CHM: variants seen among roughly 807,000 people sequenced by gnomAD.
The protein encoded by CHM is CHM Rab escort protein.
A neutral mutation model predicts 49.0 loss-of-function variants in CHM; 10 were observed. The ratio of observed to expected loss-of-function variants is 0.20; its 90% confidence interval spans 0.13 to 0.35. The LOEUF is 0.35. Ranked by LOEUF, CHM falls within the 10% of genes least tolerant of loss-of-function variation. The probability of loss-of-function intolerance (pLI) is 1.00; values close to 1 mark genes in which losing one functional copy is unlikely to be tolerated. For synonymous variants in CHM, 184 were observed against 167.5 expected, an observed-to-expected ratio of 1.10 and a Z score of -0.76; for missense variants, 455 against 478.4, an observed-to-expected ratio of 0.95 and a Z score of 0.46.
intron 12 of CHM, among the ~76,000 whole-genome samples, chrX:85,888,033 T>G (rs954842978): frequency 2.7e-5 from 3 of 112,049 alleles, no homozygotes; most frequent in African/African-American, 9.7e-5. Flanking sequence ...TCAAGCTGGT[T>G]GTAGAAATTT....
intron 14 of CHM, among the ~76,000 whole-genome samples, chrX:85,870,004 T>C (rs1165794522): frequency 8.9e-6 from 1 of 112,132 alleles, no homozygotes; most frequent in Non-Finnish European, 1.9e-5. Flanking sequence ...TTTTAGGATG[T>C]ATGCCTACTC....
chrX:85,922,604 T>G (rs1927858394), intron 8 of CHM, among the ~76,000 whole-genome samples: 1 of 112,582 alleles, frequency 8.9e-6, no homozygotes, highest in African/African-American at 3.2e-5. Flanking sequence ...CCTTGTAAAC[T>G]GAAAATATCA....
At chrX:86,041,682 GTGTT>G (rs1934461988) in intron 1 of CHM, among the ~76,000 whole-genome samples, 1 of 53,658 alleles carries the variant, frequency 1.9e-5, no homozygotes, top group Non-Finnish European at 3.0e-5. Flanking sequence ...GTGTGTATGT[GTGTT>G]TATGTATATA....
intron 8 of CHM, among the ~76,000 whole-genome samples, chrX:85,950,476 A>C (rs1344989564): frequency 1.8e-5 from 2 of 110,873 alleles, no homozygotes; most frequent in Non-Finnish European, 3.8e-5. Context: ...AATATGCTGG[A>C]ATACAGATCT....
intron 2 of CHM, among the ~76,000 whole-genome samples, chrX:86,010,333 C>T (rs1161819660): frequency 9.8e-6 from 1 of 101,863 alleles, no homozygotes; most frequent in Non-Finnish European, 2.0e-5. Flanking sequence ...CGCACATGTA[C>T]CCTAGAACTT....
At chrX:85,912,673 T>C (rs1927102896) in intron 8 of CHM, among the ~76,000 whole-genome samples, 1 of 111,424 alleles carries the variant, frequency 9.0e-6, no homozygotes, top group African/African-American at 3.3e-5. Flanking sequence ...ATCTTGAGAC[T>C]GGGAGATTAT....
intron 14 of CHM, among the ~76,000 whole-genome samples, chrX:85,870,008 C>A (rs764813430): frequency 9.0e-6 from 1 of 111,679 alleles, no homozygotes; most frequent in East Asian, 2.8e-4. Flanking sequence ...AGGATGTATG[C>A]CTACTCATAA....
chrX:85,894,878 T>C (rs1475409816), intron 11 of CHM, among the ~76,000 whole-genome samples: 1 of 111,877 alleles, frequency 8.9e-6, no homozygotes, highest in Admixed American at 9.5e-5. Flanking sequence ...AAACAGCAGT[T>C]AGCATTAATA....
chrX:85,907,473 A>G (rs1355221392), intron 9 of CHM, among the ~76,000 whole-genome samples: 3 of 112,689 alleles, frequency 2.7e-5, no homozygotes, highest in Non-Finnish European at 5.6e-5. Context: ...TTTTTCTAAA[A>G]ACAGTCAACG....
At position 85,969,680 on chromosome X, in the gene CHM, T is replaced by G. The variant is rs772039632; in HGVS notation, c.315-5628A>C. 4.4e-5 allele frequency: 5 copies of G among 112,640 alleles called. No homozygotes were observed. The South Asian group carries it at 1.8e-3, about 41-fold the overall frequency. The allele number at this position is 112,640 out of a possible 1,213,427, so 9.3% of individuals were successfully genotyped here. ...CACTCCCATGTTTATTGGAGCACTA[T>G]TCACAATTGCGAAAATATGGAATCA... is the stretch of plus-strand genomic sequence containing the variant. On this transcript the variant is annotated intron_variant, in intron 4 of 14. Coordinates refer to ENST00000357749, the MANE Select transcript of CHM (RefSeq NM_000390.4).
intron 6 of CHM, among the ~76,000 whole-genome samples, chrX:85,958,528 G>C (rs1465416661): frequency 6.3e-5 from 7 of 111,078 alleles, no homozygotes. Context: ...ATCTGATCAA[G>C]TGGACAGCAA....
chrX:86,003,100 G>C (rs1260129415), intron 2 of CHM, among the ~76,000 whole-genome samples: 1 of 112,050 alleles, frequency 8.9e-6, no homozygotes, highest in South Asian at 3.7e-4. Context: ...GCCTCCGCTG[G>C]TGATACCCAG....
rs199854682 is a variant in CHM, at chrX:85,880,759, CAA to C, written c.1511-1698_1511-1697del. Among the ~76,000 whole-genome samples the C allele has an allele frequency of 2.4e-3, 270 of 111,456 alleles. 2 individuals carry two copies. The highest frequency in any genetic ancestry group is 8.7e-3 in the African/African-American group (267 of 30,807). On this transcript the variant is annotated intron_variant, in intron 12 of 14. Coordinates refer to ENST00000357749, the MANE Select transcript of CHM (RefSeq NM_000390.4). The stretch of plus-strand genomic sequence containing the variant: ...TTAATGAGTTTTATAACAATTCTTA[CAA>C]AGACATTCATAAGCTGAATTATAAT...
At chrX:85,904,038 TA>T (rs1250777045) in intron 9 of CHM, among the ~76,000 whole-genome samples, 28 of 111,633 alleles carry the variant, frequency 2.5e-4, no homozygotes, top group Admixed American at 5.7e-4. Context: ...AAACAATGAA[TA>T]AAAAAACATT....
At chrX:85,896,815 T>C (rs1228669892) in intron 11 of CHM, among the ~76,000 whole-genome samples, 1 of 101,425 alleles carries the variant, frequency 9.9e-6, no homozygotes, top group Non-Finnish European at 2.0e-5. Context: ...TACAAACTTA[T>C]ATAATATATA....
At chrX:85,912,100 G>A (rs1440317802) in intron 8 of CHM, among the ~76,000 whole-genome samples, 1 of 111,715 alleles carries the variant, frequency 9.0e-6, no homozygotes, top group African/African-American at 3.3e-5. Context: ...CCTGAATGGA[G>A]GAAGATTACA....
At chrX:85,924,877 T>A (rs964138475) in intron 8 of CHM, among the ~76,000 whole-genome samples, 1 of 111,603 alleles carries the variant, frequency 9.0e-6, no homozygotes, top group African/African-American at 3.3e-5. Flanking sequence ...AAACAACACA[T>A]AGCCTTCAGA....
chrX:85,905,966 C>CT (rs1248666231), intron 9 of CHM, among the ~76,000 whole-genome samples: 1 of 111,811 alleles, frequency 8.9e-6, no homozygotes, highest in African/African-American at 3.2e-5. Context: ...GTGCAATTAT[C>CT]TTATAAATTT....
At chrX:85,915,506 AAACT>A (rs372972516) in intron 8 of CHM, among the ~76,000 whole-genome samples, 2 of 112,288 alleles carry the variant, frequency 1.8e-5, no homozygotes, top group African/African-American at 6.5e-5. Flanking sequence ...AGAGGAAGTC[AAACT>A]ATCTTGTCTG....
Sources: allele counts gnomAD v4.1 joint callset (sites outside exome capture counted in the v4.1 genomes callset), GRCh38; gene constraint gnomAD v4.1.1; transcripts MANE v1.5; gene names NCBI Gene and HGNC (gene_info 2026-07-23, HGNC 2026-07-21).